Variants in RIMKLA observed in about 807,000 individuals in gnomAD.
RIMKLA encodes the protein ribosomal modification protein rimK like family member A, also known as N-acetylaspartylglutamate synthase A.
In RIMKLA, 14 loss-of-function variants were observed where a neutral mutation model predicts 32.7. The observed-to-expected ratio is 0.43, with a 90% CI of 0.28 to 0.67. The LOEUF (loss-of-function observed/expected upper bound fraction) is 0.67. RIMKLA is among the 30% of genes least tolerant of loss of function. RIMKLA has a pLI of 0.18. For synonymous variants in RIMKLA, 176 were observed against 204.1 expected, an observed-to-expected ratio of 0.86 and a Z score of 1.18; for missense variants, 410 against 519.0, an observed-to-expected ratio of 0.79 and a Z score of 2.04.
chr1:42,385,098 C>T (rs909779617), intron 1 of RIMKLA, among the ~76,000 whole-genome samples: 3 of 152,156 alleles, frequency 2.0e-5, no homozygotes, highest in Non-Finnish European at 2.9e-5. Flanking sequence ...TTATATCCCC[C>T]CTCCCTCTGA....
intron 1 of RIMKLA, among the ~76,000 whole-genome samples, chr1:42,385,548 C>T (rs1425639358): frequency 6.6e-6 from 1 of 152,082 alleles, no homozygotes; most frequent in Admixed American, 6.5e-5. Flanking sequence ...TCAAAGTGTT[C>T]TTGGATCCTT....
chr1:42,417,468 GT>G lies in RIMKLA; in HGVS notation c.*2496del, dbSNP rs1643258670. On this transcript the variant is annotated 3_prime_UTR_variant, in exon 5 of 5. Coordinates refer to ENST00000431473, the MANE Select transcript of RIMKLA (RefSeq NM_173642.4). ...ACATGGGGTGTAGAGCCAGAGCCTG[GT>G]TCTGGTTCTCCGCTTGAACAGCTGA... 6.6e-6 allele frequency: 1 copy of G among 152,206 alleles called. No homozygotes were observed. The highest frequency in any genetic ancestry group is 1.5e-5 in the Non-Finnish European group (1 of 68,044). 9.4% of individuals were successfully genotyped at this position (152,206 alleles called of 1,614,324 possible).
At chr1:42,383,769 G>T (rs1642911504) in intron 1 of RIMKLA, among the ~76,000 whole-genome samples, 1 of 152,170 alleles carries the variant, frequency 6.6e-6, no homozygotes, top group Non-Finnish European at 1.5e-5. Context: ...CTTCCTCAAT[G>T]CCATCCAGCT....
chr1:42,385,874 C>CTT lies in RIMKLA; in HGVS notation c.163+4779_163+4780dup, dbSNP rs1449317812. ...TCTTTCTTTCTTTCTTTCTTTCTTT[C>CTT]TTTCTTTCTTTCTTTCTTTCTTTCC... On this transcript the variant is annotated intron_variant, in intron 1 of 4. Coordinates refer to ENST00000431473, the MANE Select transcript of RIMKLA (RefSeq NM_173642.4). Among the ~76,000 whole-genome samples, 2 of 87,284 alleles carry CTT rather than the reference C, an allele frequency of 2.3e-5. 1 individual carries two copies. The highest frequency in any genetic ancestry group is 8.4e-5 in the African/African-American group (2 of 23,906). 57.3% of individuals were successfully genotyped at this position (87,284 alleles called of 152,430 possible). A position where few individuals can be genotyped will look rare whatever the true frequency, so the allele number is the denominator to read the frequency against.
intron 1 of RIMKLA, 81 bp downstream of exon 1, chr1:42,381,178 C>T (rs1460533133): frequency 3.6e-6 from 4 of 1,098,006 alleles, no homozygotes; most frequent in Non-Finnish European, 4.6e-6. Context: ...CTCGCCGGGC[C>T]TCCCGCAGCA....
chr1:42,414,558 A>T lies in RIMKLA; in HGVS notation c.760A>T (p.Met254Leu). ...TATTCAGGTGTCCAACATCCTAGGC[A>T]TGGACTTCTGTGGCATTGATCTCCT... ...LAIQVSNILG[M>L]DFCGIDLLIM... The change falls in exon 5 of 5, where the codon ATG (methionine) becomes TTG (leucine). Residue 254 changes from methionine (M) to leucine (L), a missense_variant. Physicochemically the swap from Met to Leu is conservative, Grantham distance 15. Transcript: ENST00000431473. 6.2e-7 allele frequency: 1 copy of T among 1,614,188 alleles called. No individual in the cohort carries two copies. The highest frequency in any genetic ancestry group is 8.5e-7 in the Non-Finnish European group (1 of 1,180,030).
Position 42,391,433 on chromosome 1 carries a change from C to T in RIMKLA, c.164-7971C>T, listed in dbSNP as rs1195398054. Among the ~76,000 whole-genome samples, 5 of 151,884 alleles carry T rather than the reference C, an allele frequency of 3.3e-5. No homozygotes were observed. In the South Asian group the frequency reaches 6.2e-4, roughly 19 times the overall value. On this transcript the variant is annotated intron_variant, in intron 1 of 4. Coordinates refer to ENST00000431473, the MANE Select transcript of RIMKLA (RefSeq NM_173642.4). The stretch of plus-strand genomic sequence containing the variant: ...ATGGTCTTCTAATTGCAATCAGGAG[C>T]GAGGAGGATATCTAGGCCCAGTAAT...
intron 2 of RIMKLA, among the ~76,000 whole-genome samples, chr1:42,403,852 A>C (rs1381300168): frequency 6.6e-6 from 1 of 152,194 alleles, no homozygotes; most frequent in Non-Finnish European, 1.5e-5. Flanking sequence ...GTCTTCTTCC[A>C]AGCTGCCTGA....
intron 3 of RIMKLA, among the ~76,000 whole-genome samples, chr1:42,406,134 C>T (rs1001527633): frequency 6.6e-6 from 1 of 152,172 alleles, no homozygotes; most frequent in Admixed American, 6.5e-5. Context: ...ACAAAAGTTC[C>T]TGCCCTCGAG....
Position 42,416,505 on chromosome 1 carries a change from A to T in RIMKLA, c.*1531A>T, listed in dbSNP as rs985783901. On this transcript the variant is annotated 3_prime_UTR_variant, in exon 5 of 5. Coordinates refer to ENST00000431473, the MANE Select transcript of RIMKLA (RefSeq NM_173642.4). ...ATGCTCTTTAGCTGTTAAAAAAAAA[A>T]AATCATTCCTCAAAAAATAGATCTA... 2.0e-5 allele frequency: 3 copies of T among 152,046 alleles called. No individual in the cohort carries two copies. The highest frequency in any genetic ancestry group is 4.4e-5 in the Non-Finnish European group (3 of 68,010). 9.4% of individuals were successfully genotyped at this position (152,046 alleles called of 1,614,324 possible). A position where few individuals can be genotyped will look rare whatever the true frequency, so the allele number is the denominator to read the frequency against.
At chr1:42,400,458 G>A (rs1175975483) in intron 2 of RIMKLA, among the ~76,000 whole-genome samples, 1 of 152,192 alleles carries the variant, frequency 6.6e-6, no homozygotes, top group Non-Finnish European at 1.5e-5. Flanking sequence ...AGTGAGCAAC[G>A]ATGGTCTAAA....
chr1:42,386,842 G>A (rs546029078), intron 1 of RIMKLA, among the ~76,000 whole-genome samples: 13 of 151,394 alleles, frequency 8.6e-5, no homozygotes, highest in Admixed American at 4.0e-4. Flanking sequence ...CTGAGATTAC[G>A]CCACTGCCCT....
chr1:42,391,462 T>C (rs762264306), intron 1 of RIMKLA, among the ~76,000 whole-genome samples: 2 of 151,908 alleles, frequency 1.3e-5, no homozygotes, highest in African/African-American at 2.4e-5. Context: ...CAGTAATCTG[T>C]GGCGAGAGGG....
Position 42,385,852 on chromosome 1 carries a change from T to TTC in RIMKLA, c.163+4757_163+4758dup, listed in dbSNP as rs1642938420. ...CCTTTCTTTCTTTCTTTCTCTTTCT[T>TTC]TCTTTCTTTCTTTCTTTCTTTCTTT... On this transcript the variant is annotated intron_variant, in intron 1 of 4. Coordinates refer to ENST00000431473, the MANE Select transcript of RIMKLA (RefSeq NM_173642.4). Among the ~76,000 whole-genome samples the TTC allele has an allele frequency of 2.6e-4, 6 of 22,712 alleles. 1 individual carries two copies. Among genetic ancestry groups the TTC allele is most frequent in the African/African-American group, 6.8e-4 (6 of 8,804 alleles). The allele number at this position is 22,712 out of a possible 152,430, so 14.9% of individuals were successfully genotyped here.
chr1:42,392,483 A>G (rs1643007459), intron 1 of RIMKLA, among the ~76,000 whole-genome samples: 1 of 152,154 alleles, frequency 6.6e-6, no homozygotes. Flanking sequence ...CTTCCCTGTC[A>G]GTCCCTTTGG....
chr1:42,423,708 A>C lies in RIMKLA; in HGVS notation c.*8734A>C, dbSNP rs1383816470. Among the ~76,000 whole-genome samples the C allele has an allele frequency of 6.6e-6, 1 of 152,176 alleles. No individual in the cohort carries two copies. Among genetic ancestry groups the C allele is most frequent in the Non-Finnish European group, 1.5e-5 (1 of 68,026 alleles). The stretch of plus-strand genomic sequence containing the variant: ...TTCCCCTTCTACTTCCCAGAGTTAC[A>C]TGGTGTCCCTCTAGGACTCTCCCAG... On this transcript the variant is annotated 3_prime_UTR_variant, in exon 5 of 5. Transcript: ENST00000431473.
rs959053061 is a variant in RIMKLA at position 42,390,462 on chromosome 1, G to C, written c.164-8942G>C. Among the ~76,000 whole-genome samples, 4 of 152,220 alleles carry C rather than the reference G, an allele frequency of 2.6e-5. No individual in the cohort carries two copies. In the East Asian group the frequency reaches 7.7e-4, roughly 29 times the overall value. On this transcript the variant is annotated intron_variant, in intron 1 of 4. Transcript: ENST00000431473. The stretch of plus-strand genomic sequence containing the variant: ...GCAAATGGCAGGAGCAGTGCTTTAA[G>C]TGGCTGAGAAGGGCTGGGATCTACT...
rs1375670964 is a variant in RIMKLA, at chr1:42,409,995, T to C, written c.493T>C (p.Phe165Leu). 3 of 1,614,090 alleles carry C rather than the reference T, an allele frequency of 1.9e-6. No homozygotes were observed. The Admixed American group carries it at 5.0e-5, about 27-fold the overall frequency. Reference protein sequence around the residue: ...STRGHRGKAVFLARDKHHLSD... With the variant: ...STRGHRGKAVLLARDKHHLSD... ...TTTTCTTCTTAAAGGAAAAGCTGTT[T>C]TTCTGGCAAGAGATAAACATCACCT... The change falls in exon 4 of 5, where the codon TTT (phenylalanine) becomes CTT (leucine). Residue 165 changes from phenylalanine (F) to leucine (L), a missense_variant. Phe to Leu is a conservative substitution (Grantham distance 22). Coordinates refer to ENST00000431473, the MANE Select transcript of RIMKLA (RefSeq NM_173642.4).
chr1:42,415,890 A>C lies in RIMKLA; in HGVS notation c.*916A>C, dbSNP rs1393331958. 3 of 152,098 alleles carry C rather than the reference A, an allele frequency of 2.0e-5. No individual in the cohort carries two copies. The highest frequency in any genetic ancestry group is 4.4e-5 in the Non-Finnish European group (3 of 68,040). 9.4% of individuals were successfully genotyped at this position (152,098 alleles called of 1,614,324 possible). ...CATCATTCTTCCCCTCCTCTACTGA[A>C]ACTTTGTGTACTGCTTAGCTGTAGG... On this transcript the variant is annotated 3_prime_UTR_variant, in exon 5 of 5. Transcript: ENST00000431473.
Sources: allele counts gnomAD v4.1 joint callset (sites outside exome capture counted in the v4.1 genomes callset), GRCh38; gene constraint gnomAD v4.1.1; transcripts MANE v1.5; gene names NCBI Gene and HGNC (gene_info 2026-07-23, HGNC 2026-07-21).